The following ZNF681 variants were observed in gnomAD, a reference collection of about 807,000 sequenced individuals.
ZNF681 encodes hypothetical protein FLJ31526.
In ZNF681, 37 loss-of-function variants were observed where a neutral mutation model predicts 56.0. The ratio of observed to expected loss-of-function variants is 0.66; its 90% confidence interval spans 0.51 to 0.87. The LOEUF (loss-of-function observed/expected upper bound fraction) is 0.87. ZNF681 is among the 40% of genes least tolerant of loss of function. ZNF681 has a pLI of 0.00. For synonymous variants in ZNF681, 225 were observed against 248.6 expected, an observed-to-expected ratio of 0.91 and a Z score of 0.89; for missense variants, 741 against 744.9, an observed-to-expected ratio of 0.99 and a Z score of 0.06.
rs1479935145 is a variant in ZNF681 at position 23,743,827 on chromosome 19, A to G, written c.1723T>C (p.Ser575Pro). ...EECGKAFNQSSHLTRHKRIHT... is the reference protein window; with the variant it reads ...EECGKAFNQSPHLTRHKRIHT... ...ATTCTCTTATGTCTAGTAAGGTGTG[A>G]GGACTGGTTAAAGGCTTTACCACAT... The change falls in exon 4 of 4, where the codon TCA becomes CCA. Residue 575 changes from serine to proline, a missense_variant. Physicochemically the swap from Ser to Pro is moderately conservative, Grantham distance 74. Transcript: ENST00000402377. The G allele has an allele frequency of 2.5e-6, 4 of 1,613,128 alleles. No individual in the cohort carries two copies. Among genetic ancestry groups the G allele is most frequent in the Non-Finnish European group, 3.4e-6 (4 of 1,179,768 alleles).
At chr19:23,747,286 T>A (rs7508508) in intron 3 of ZNF681, among the ~76,000 whole-genome samples, 1 of 152,170 alleles carries the variant, frequency 6.6e-6, no homozygotes, top group Non-Finnish European at 1.5e-5. Flanking sequence ...AAAAATTTAA[T>A]TTTTCAAAGA....
rs182621814 is a variant in ZNF681, at chr19:23,743,374, T to A, written c.*238A>T. 18 of 326,032 alleles carry A rather than the reference T, an allele frequency of 5.5e-5. No homozygotes were observed. The highest frequency in any genetic ancestry group is 3.9e-4 in the African/African-American group (18 of 46,528). The allele number at this position is 326,032 out of a possible 1,614,324, so 20.2% of individuals were successfully genotyped here. A position where few individuals can be genotyped will look rare whatever the true frequency, so the allele number is the denominator to read the frequency against. On this transcript the variant is annotated 3_prime_UTR_variant, in exon 4 of 4. Transcript: ENST00000402377. ...ACAGTAATTGCATGTATAATGCTTTTATTAAGTATGAAATCTCTGATGTTG... is the reference window on the plus strand; with the variant it reads ...ACAGTAATTGCATGTATAATGCTTTAATTAAGTATGAAATCTCTGATGTTG...
intron 3 of ZNF681, among the ~76,000 whole-genome samples, chr19:23,748,728 T>A: frequency 6.6e-6 from 1 of 152,150 alleles, no homozygotes; most frequent in African/African-American, 2.4e-5. Flanking sequence ...TTGAAATAAA[T>A]TTTAATCAAA....
rs970852429 is a variant in ZNF681 at position 23,744,498 on chromosome 19, G to C, written c.1052C>G (p.Ser351Ter). 21 of 1,605,226 alleles carry C rather than the reference G, an allele frequency of 1.3e-5. 2 individuals carry two copies. Among genetic ancestry groups the C allele is most frequent in the Middle Eastern group, 1.7e-4 (1 of 6,036 alleles). The change falls in exon 4 of 4, where the codon TCA (serine) becomes TGA (stop). Residue 351 changes from serine (S) to a stop codon, truncating the protein, a stop_gained. Transcript: ENST00000402377. LOFTEE classifies it high-confidence loss of function. Reference sequence around the variant, plus strand: ...AATTATCTTATGTCTGGTAAGGTGTGAGGACTGGTTAAAGGCTTTGCCACA... The same window carrying C: ...AATTATCTTATGTCTGGTAAGGTGTCAGGACTGGTTAAAGGCTTTGCCACA... The part of the protein sequence containing the change: ...EECGKAFNQS[S>*]HLTRHKIIHT...
rs1159222782 is a variant in ZNF681 at position 23,750,290 on chromosome 19, A to AC, written c.226+4532_226+4533insG. 1.3e-3 allele frequency among the ~76,000 whole-genome samples: 100 copies of AC among 76,326 alleles called. 5 individuals carry two copies. Among genetic ancestry groups the AC allele is most frequent in the Admixed American group, 1.4e-3 (8 of 5,740 alleles). 50.1% of individuals were successfully genotyped at this position (76,326 alleles called of 152,430 possible). ...CAGAGTGAGACTCCAACTCAAAAAA[A>AC]AAAAAAAAAAAAACCAAAAAACAAC... On this transcript the variant is annotated intron_variant, in intron 3 of 3. Coordinates refer to ENST00000402377, the MANE Select transcript of ZNF681 (RefSeq NM_138286.3).
chr19:23,752,285 A>G (rs1387010869), intron 3 of ZNF681, among the ~76,000 whole-genome samples: 1 of 152,206 alleles, frequency 6.6e-6, no homozygotes, highest in Non-Finnish European at 1.5e-5. Context: ...AAGAGGTCAC[A>G]TACCCTTTCA....
At chr19:23,749,897 T>C (rs903815865) in intron 3 of ZNF681, among the ~76,000 whole-genome samples, 6 of 151,622 alleles carry the variant, frequency 4.0e-5, no homozygotes, top group African/African-American at 1.5e-4. Context: ...ACAGAGCAAA[T>C]ACATATTCAT....
chr19:23,742,828 A>G lies in ZNF681; in HGVS notation c.*784T>C, dbSNP rs1273324155. On this transcript the variant is annotated 3_prime_UTR_variant, in exon 4 of 4. Coordinates refer to ENST00000402377, the MANE Select transcript of ZNF681 (RefSeq NM_138286.3). ...ACATTATTCACTTTTCATAAAACCT[A>G]ATTTTTTTCAAAGGATAGTTTGAAT... 7 of 152,272 alleles carry G rather than the reference A, an allele frequency of 4.6e-5. No individual in the cohort carries two copies. The East Asian group carries it at 1.4e-3, about 29-fold the overall frequency. The allele number at this position is 152,272 out of a possible 1,614,324, so 9.4% of individuals were successfully genotyped here.
rs554127643 is a variant in ZNF681 at position 23,739,974 on chromosome 19, C to T, written c.*3638G>A. On this transcript the variant is annotated 3_prime_UTR_variant, in exon 4 of 4. Transcript: ENST00000402377. Reference sequence around the variant, plus strand: ...ACAAATAGAAGATTTTGCATGGAAACGTACATTGTGGCATAAGTATACTGT... The same window carrying T: ...ACAAATAGAAGATTTTGCATGGAAATGTACATTGTGGCATAAGTATACTGT... 9.9e-5 allele frequency: 15 copies of T among 152,156 alleles called. No homozygotes were observed. The highest frequency in any genetic ancestry group is 3.9e-4 in the Admixed American group (6 of 15,290). 9.4% of individuals were successfully genotyped at this position (152,156 alleles called of 1,614,324 possible).
rs140773122 is a variant in ZNF681 at position 23,742,227 on chromosome 19, C to G, written c.*1385G>C. ...GTACAATTGGCCAGGCATGGTGACT[C>G]GCGCCTGTAATCCCAGCACTTTGGG... On this transcript the variant is annotated 3_prime_UTR_variant, in exon 4 of 4. Coordinates refer to ENST00000402377, the MANE Select transcript of ZNF681 (RefSeq NM_138286.3). 4 of 152,102 alleles carry G rather than the reference C, an allele frequency of 2.6e-5. No homozygotes were observed. Among genetic ancestry groups the G allele is most frequent in the Non-Finnish European group, 5.9e-5 (4 of 68,016 alleles). The allele number at this position is 152,102 out of a possible 1,614,324, so 9.4% of individuals were successfully genotyped here.
At position 23,739,561 on chromosome 19, in the gene ZNF681, T is replaced by C. The variant is rs1168561605; in HGVS notation, c.*4051A>G. 1.3e-5 allele frequency: 2 copies of C among 152,172 alleles called. No individual in the cohort carries two copies. Among genetic ancestry groups the C allele is most frequent in the Non-Finnish European group, 2.9e-5 (2 of 68,034 alleles). 9.4% of individuals were successfully genotyped at this position (152,172 alleles called of 1,614,324 possible). A position where few individuals can be genotyped will look rare whatever the true frequency, so the allele number is the denominator to read the frequency against. On this transcript the variant is annotated 3_prime_UTR_variant, in exon 4 of 4. Coordinates refer to ENST00000402377, the MANE Select transcript of ZNF681 (RefSeq NM_138286.3). ...AAGCATTTGACAATGTGTATATACT[T>C]CAAAATGTCATGCTTCACAGAATAA...
intron 3 of ZNF681, among the ~76,000 whole-genome samples, chr19:23,753,246 A>T (rs1465234293): frequency 6.6e-6 from 1 of 152,276 alleles, no homozygotes; most frequent in Non-Finnish European, 1.5e-5. Flanking sequence ...TAAAAATACA[A>T]AAATTAGCCA....
chr19:23,758,491 C>T (rs1322512885), intron 1 of ZNF681, among the ~76,000 whole-genome samples: 1 of 152,228 alleles, frequency 6.6e-6, no homozygotes, highest in Non-Finnish European at 1.5e-5. Context: ...CCTGCACAAT[C>T]TGGGAGAGAC....
intron 3 of ZNF681, 30 bp downstream of exon 3, chr19:23,754,793 T>C (rs924125438): frequency 1.3e-6 from 2 of 1,549,362 alleles, no homozygotes; most frequent in African/African-American, 2.7e-5. Flanking sequence ...ATCTATGTTA[T>C]CTGTTGTATT....
intron 3 of ZNF681, among the ~76,000 whole-genome samples, chr19:23,750,059 C>G (rs6511516): frequency 0.98 from 148,268 of 151,502 alleles, 72,644 homozygotes; most frequent in Middle Eastern, 1. Flanking sequence ...CCGAGGTGAG[C>G]GGATCACCTG....
At chr19:23,747,144 A>T (rs942071285) in intron 3 of ZNF681, among the ~76,000 whole-genome samples, 1 of 152,152 alleles carries the variant, frequency 6.6e-6, no homozygotes, top group Non-Finnish European at 1.5e-5. Flanking sequence ...GTAAGAAAAT[A>T]AAAATTGTAC....
At chr19:23,746,511 A>G (rs767124681) in intron 3 of ZNF681, among the ~76,000 whole-genome samples, 18 of 152,162 alleles carry the variant, frequency 1.2e-4, no homozygotes, top group Admixed American at 8.5e-4. Context: ...TGTGAAATAA[A>G]GAAGCCAGGT....
intron 1 of ZNF681, among the ~76,000 whole-genome samples, chr19:23,756,331 A>ACCC (rs1599462444): frequency 1.7e-4 from 14 of 82,748 alleles, no homozygotes; most frequent in Non-Finnish European, 3.4e-4. Context: ...TCCCCCCCCA[A>ACCC]AAAAAGACAC....
intron 1 of ZNF681, among the ~76,000 whole-genome samples, chr19:23,757,029 C>T (rs1969132430): frequency 6.6e-6 from 1 of 151,884 alleles, no homozygotes; most frequent in South Asian, 2.1e-4. Flanking sequence ...CGCCACCATG[C>T]CTGGCTAATG....
Sources: allele counts gnomAD v4.1 joint callset (sites outside exome capture counted in the v4.1 genomes callset), GRCh38; gene constraint gnomAD v4.1.1; transcripts MANE v1.5; gene names NCBI Gene and HGNC (gene_info 2026-07-23, HGNC 2026-07-21).